The following C2orf76 variants were observed in gnomAD, a reference collection of about 807,000 sequenced individuals.
C2orf76 encodes chromosome 2 open reading frame 76.
In C2orf76, 23 loss-of-function variants were observed where a neutral mutation model predicts 16.9. The observed-to-expected ratio is 1.36, with a 90% CI of 0.98 to 1.93. The LOEUF (loss-of-function observed/expected upper bound fraction) is 1.93, where lower values mean the gene tolerates loss of function less well. C2orf76 is among the 30% of genes most tolerant of loss of function. C2orf76 has a pLI of 0.00. For synonymous variants in C2orf76, 48 were observed against 52.3 expected (o/e 0.92, Z 0.35); for missense variants, 152 against 152.6 (o/e 1.00, Z 0.02).
chr2:119,281,642 T>A, the C2orf76 span, among the ~76,000 whole-genome samples: 1 of 152,178 alleles, frequency 6.6e-6, no homozygotes, highest in African/African-American at 2.4e-5. Context: ...ATAAACATCC[T>A]AACATGAATA....
chr2:119,366,331 AGACACCGT>A (rs1680988357), intron 1 of C2orf76: 18 of 432,292 alleles, frequency 4.2e-5, no homozygotes, highest in South Asian at 2.2e-4. Flanking sequence ...AAGACAAATA[AGACACCGT>A]CCCTGCCTTT....
the C2orf76 span, among the ~76,000 whole-genome samples, chr2:119,289,809 A>T: frequency 6.6e-6 from 1 of 151,876 alleles, no homozygotes; most frequent in Non-Finnish European, 1.5e-5. Flanking sequence ...CCCCGCTCGT[A>T]GCCCCAACTC....
At chr2:119,360,512 C>T (rs6753799) in intron 1 of C2orf76, among the ~76,000 whole-genome samples, 79,773 of 148,164 alleles carry the variant, frequency 0.54, 22,077 homozygotes, top group African/African-American at 0.65. Context: ...ATATATACAC[C>T]TGTTTGACAT....
the C2orf76 span, among the ~76,000 whole-genome samples, chr2:119,293,756 G>A: frequency 2.0e-5 from 3 of 152,210 alleles, no homozygotes; most frequent in Non-Finnish European, 4.4e-5. Context: ...CTGGCTGATG[G>A]CCTGGCTGTG....
intron 2 of C2orf76, among the ~76,000 whole-genome samples, chr2:119,338,293 G>T (rs1679915073): frequency 6.6e-6 from 1 of 152,138 alleles, no homozygotes; most frequent in African/African-American, 2.4e-5. Flanking sequence ...AAGGTATCCT[G>T]CCCACCTCTC....
At chr2:119,361,688 C>T (rs1680748652) in intron 1 of C2orf76, among the ~76,000 whole-genome samples, 1 of 152,046 alleles carries the variant, frequency 6.6e-6, no homozygotes, top group Admixed American at 6.6e-5. Flanking sequence ...GAACCAATCC[C>T]CCACAGATAT....
chr2:119,303,267 T>A (rs1026267272), intron 5 of C2orf76, among the ~76,000 whole-genome samples: 1 of 152,242 alleles, frequency 6.6e-6, no homozygotes, highest in Admixed American at 6.5e-5. Flanking sequence ...GCGTCTTCTA[T>A]AACAATAAGT....
At chr2:119,319,057 G>A (rs954988914) in intron 3 of C2orf76, among the ~76,000 whole-genome samples, 1 of 151,806 alleles carries the variant, frequency 6.6e-6, no homozygotes. Flanking sequence ...TTTATTATTT[G>A]AGACAAGTGA....
At position 119,332,668 on chromosome 2, in the gene C2orf76, G is replaced by A. The variant is rs535894649; in HGVS notation, c.133+7159C>T. 8.5e-5 allele frequency among the ~76,000 whole-genome samples: 13 copies of A among 152,270 alleles called. No homozygotes were observed. In the South Asian group the frequency reaches 1.5e-3, roughly 17 times the overall value. On this transcript the variant is annotated intron_variant, in intron 2 of 5. Transcript: ENST00000334816. ...GAAACCACCTGCCATCCCTAGGTTAGCACACCCGCTCTGTTGTTTTACTCT... is the reference window on the plus strand; with the variant it reads ...GAAACCACCTGCCATCCCTAGGTTAACACACCCGCTCTGTTGTTTTACTCT...
intron 5 of C2orf76, among the ~76,000 whole-genome samples, chr2:119,304,203 A>C (rs1015721825): frequency 1.3e-5 from 2 of 152,242 alleles, no homozygotes; most frequent in African/African-American, 4.8e-5. Flanking sequence ...CAACCTTCTA[A>C]TGAAGAATGA....
chr2:119,307,438 TAA>T (rs10597338), intron 5 of C2orf76, among the ~76,000 whole-genome samples: 36,487 of 143,834 alleles, frequency 0.25, 4,997 homozygotes, highest in African/African-American at 0.36. Flanking sequence ...GACTCTGTCT[TAA>T]AAAAAAAAAA....
chr2:119,286,562 G>A, the C2orf76 span, among the ~76,000 whole-genome samples: 1 of 152,160 alleles, frequency 6.6e-6, no homozygotes, highest in African/African-American at 2.4e-5. Flanking sequence ...AGCTGGAGAT[G>A]TAGCCAGAGA....
chr2:119,291,337 TACC>T, the C2orf76 span, among the ~76,000 whole-genome samples: 1 of 151,986 alleles, frequency 6.6e-6, no homozygotes, highest in East Asian at 1.9e-4. Context: ...CCATTCATTC[TACC>T]ACCTCACTCC....
intron 1 of C2orf76, among the ~76,000 whole-genome samples, chr2:119,361,058 T>A (rs1277089495): frequency 6.6e-6 from 1 of 152,234 alleles, no homozygotes; most frequent in African/African-American, 2.4e-5. Flanking sequence ...CTTAAATGTA[T>A]CAATGTCAAT....
intron 4 of C2orf76, among the ~76,000 whole-genome samples, chr2:119,316,035 A>G (rs1679161885): frequency 6.6e-6 from 1 of 152,248 alleles, no homozygotes; most frequent in African/African-American, 2.4e-5. Flanking sequence ...CAATGAATGG[A>G]GAATGGGGAC....
At chr2:119,320,787 C>T (rs531050706) in intron 3 of C2orf76, among the ~76,000 whole-genome samples, 1 of 152,294 alleles carries the variant, frequency 6.6e-6, no homozygotes, top group South Asian at 2.1e-4. Flanking sequence ...TACCTTATTA[C>T]TCCATTTTTA....
chr2:119,339,464 C>T (rs1679954447), intron 2 of C2orf76, among the ~76,000 whole-genome samples: 1 of 152,128 alleles, frequency 6.6e-6, no homozygotes, highest in Admixed American at 6.5e-5. Context: ...GTGACCACCC[C>T]ACACCCTCTG....
chr2:119,282,804 A>C, the C2orf76 span, among the ~76,000 whole-genome samples: 1 of 152,258 alleles, frequency 6.6e-6, no homozygotes, highest in African/African-American at 2.4e-5. Context: ...AGATTAAAAA[A>C]TAATCCAAAT....
intron 3 of C2orf76, among the ~76,000 whole-genome samples, chr2:119,319,322 C>T (rs1195579007): frequency 6.6e-6 from 1 of 152,050 alleles, no homozygotes; most frequent in Non-Finnish European, 1.5e-5. Flanking sequence ...GGGGTGTGAC[C>T]TGAGGAGTGG....
Sources: gnomAD v4.1 joint callset for allele counts (sites outside exome capture counted in the v4.1 genomes callset) on GRCh38, gnomAD v4.1.1 for gene constraint, MANE v1.5 for transcripts, NCBI Gene and HGNC (gene_info 2026-07-23, HGNC 2026-07-21) for gene names.